PCNX2: variants seen among roughly 807,000 people sequenced by gnomAD.
The protein encoded by PCNX2 is pecanex-like protein 2.
Under a neutral mutation model 223.8 loss-of-function variants are expected in PCNX2, and 168 were observed. The ratio of observed to expected loss-of-function variants is 0.75; its 90% CI spans 0.66 to 0.85. PCNX2 has a LOEUF of 0.85. PCNX2 is among the 40% of genes least tolerant of loss of function. PCNX2 has a pLI of 0.00. For missense variants in PCNX2, 2,507 were observed against 2,675.5 expected, an observed-to-expected ratio of 0.94 and a Z score of 1.39; for synonymous variants, 1,006 against 1,052.6, an observed-to-expected ratio of 0.96 and a Z score of 0.86.
At chr1:233,276,857 C>G (rs1660942916) in intron 1 of PCNX2, among the ~76,000 whole-genome samples, 1 of 152,226 alleles carries the variant, frequency 6.6e-6, no homozygotes, top group Non-Finnish European at 1.5e-5. Flanking sequence ...TGGGGTAGAA[C>G]TGTGACTGCA....
intron 25 of PCNX2, among the ~76,000 whole-genome samples, chr1:233,030,380 A>C (rs926630347): frequency 6.6e-6 from 1 of 152,154 alleles, no homozygotes; most frequent in African/African-American, 2.4e-5. Context: ...TTTTTCTATT[A>C]ACTATAAAAT....
chr1:233,165,950 C>G (rs1431579435), intron 17 of PCNX2, among the ~76,000 whole-genome samples: 1 of 151,984 alleles, frequency 6.6e-6, no homozygotes, highest in African/African-American at 2.4e-5. Context: ...CATACAATAC[C>G]TGGTTTCAAG....
chr1:233,259,063 G>C lies in PCNX2; in HGVS notation c.799C>G (p.Leu267Val), dbSNP rs1421123742. ...PHLSLSQYDL[L>V]ETDVSFQPWG... is the part of the protein sequence containing the mutation. The stretch of plus-strand genomic sequence containing the variant: ...GGCTGGAAAGAAACGTCTGTTTCTA[G>C]TAAGTCATACTGAGACAAAGACAGG... The change falls in exon 5 of 34, where the codon CTA (leucine) becomes GTA (valine). Residue 267 changes from leucine (L) to valine (V), a missense_variant. Physicochemically the swap from Leu to Val is conservative, Grantham distance 32. Coordinates refer to ENST00000258229, the MANE Select transcript of PCNX2 (RefSeq NM_014801.4). The C allele has an allele frequency of 1.9e-6, 3 of 1,613,992 alleles. No individual in the cohort carries two copies. In the Admixed American group the frequency reaches 5.0e-5, roughly 27 times the overall value.
At chr1:233,093,532 G>C (rs1346306557) in intron 22 of PCNX2, among the ~76,000 whole-genome samples, 1 of 152,136 alleles carries the variant, frequency 6.6e-6, no homozygotes, top group Non-Finnish European at 1.5e-5. Flanking sequence ...TAATAGCTTT[G>C]TCTGGGTGGC....
intron 2 of PCNX2, 105 bp downstream of exon 2, chr1:233,262,853 T>C: frequency 9.9e-7 from 1 of 1,012,316 alleles, no homozygotes; most frequent in Non-Finnish European, 1.5e-6. Flanking sequence ...TGCATATATT[T>C]CTGTCTGCCT....
intron 23 of PCNX2, among the ~76,000 whole-genome samples, chr1:233,072,058 C>T (rs1672882022): frequency 6.6e-6 from 1 of 152,138 alleles, no homozygotes; most frequent in Non-Finnish European, 1.5e-5. Context: ...TTGTCAGATG[C>T]ATAGTTTGTA....
intron 1 of PCNX2, chr1:233,291,811 G>A: frequency 1.0e-6 from 1 of 983,448 alleles, no homozygotes; most frequent in Non-Finnish European, 1.2e-6. Flanking sequence ...TATCTCTCAA[G>A]ACTAACCATC....
intron 9 of PCNX2, among the ~76,000 whole-genome samples, chr1:233,230,812 A>G (rs968715821): frequency 3.3e-5 from 5 of 152,162 alleles, no homozygotes; most frequent in African/African-American, 1.2e-4. Context: ...TTACATTATT[A>G]TCAGTATATT....
rs1417023326 is a variant in PCNX2, at chr1:232,984,323, CTT to C, written c.6393_6394del (p.Ser2132CysfsTer42). 1.9e-6 allele frequency: 3 copies of C among 1,608,796 alleles called. No individual in the cohort carries two copies. The highest frequency in any genetic ancestry group is 2.5e-6 in the Non-Finnish European group (3 of 1,177,980). Reference sequence around the variant, plus strand: ...CGCCCGTCACTGCTCGTCTGACACACTTTGCTGCGAGGCCGTGTCGTCCAGGC... The same window carrying C: ...CGCCCGTCACTGCTCGTCTGACACACTGCTGCGAGGCCGTGTCGTCCAGGC... On this transcript the variant is annotated frameshift_variant, in exon 34 of 34. Transcript: ENST00000258229. LOFTEE classifies it high-confidence loss of function.
intron 32 of PCNX2, among the ~76,000 whole-genome samples, chr1:232,994,770 A>C (rs1219841807): frequency 2.0e-5 from 3 of 152,114 alleles, no homozygotes; most frequent in Non-Finnish European, 4.4e-5. Context: ...GTGAGTTCTC[A>C]TGAGAGCTGG....
intron 23 of PCNX2, among the ~76,000 whole-genome samples, chr1:233,088,822 G>A (rs570110274): frequency 6.6e-6 from 1 of 152,310 alleles, no homozygotes; most frequent in South Asian, 2.1e-4. Context: ...AGCAGTCAGA[G>A]AATAATCATC....
chr1:233,044,725 A>G (rs1558184608), intron 25 of PCNX2, among the ~76,000 whole-genome samples: 1 of 151,492 alleles, frequency 6.6e-6, no homozygotes, highest in Non-Finnish European at 1.5e-5. Flanking sequence ...CTGGGGTGCA[A>G]TGGCGTGATC....
intron 21 of PCNX2, chr1:233,112,965 T>C: frequency 7.8e-7 from 1 of 1,289,254 alleles, no homozygotes; most frequent in Non-Finnish European, 1.0e-6. Context: ...GTGGGTGCCG[T>C]CCTAGGGAGG....
At chr1:233,101,195 A>G (rs1229446058) in intron 21 of PCNX2, among the ~76,000 whole-genome samples, 2 of 152,216 alleles carry the variant, frequency 1.3e-5, no homozygotes, top group East Asian at 3.8e-4. Context: ...AAACCATCAG[A>G]TGTTTTGAGG....
At chr1:233,167,648 A>C (rs562291928) in intron 17 of PCNX2, 28 of 742,262 alleles carry the variant, frequency 3.8e-5, no homozygotes, top group Admixed American at 1.3e-4. Context: ...TTTACTATCT[A>C]TAGGTACCTC....
intron 19 of PCNX2, among the ~76,000 whole-genome samples, chr1:233,144,020 A>C (rs187060191): frequency 3.9e-5 from 6 of 152,218 alleles, no homozygotes; most frequent in Admixed American, 3.9e-4. Context: ...GTCTCTACAA[A>C]AAGTTTAAAA....
chr1:233,295,526 C>T lies in PCNX2; in HGVS notation c.-48G>A, dbSNP rs1172377649. On this transcript the variant is annotated 5_prime_UTR_variant, in exon 1 of 34. Coordinates refer to ENST00000258229, the MANE Select transcript of PCNX2 (RefSeq NM_014801.4). The surrounding 1 kb of genome is among the most constrained non-coding windows in gnomAD (Gnocchi z 4.1). ...TGAGCGCCCCGCTGCACCCTGCGCG[C>T]CCCGGCCGGATCTCCAGGCTCCCTC... 6.8e-7 allele frequency: 1 copy of T among 1,470,796 alleles called. No individual in the cohort carries two copies. Among genetic ancestry groups the T allele is most frequent in the South Asian group, 1.4e-5 (1 of 72,778 alleles). The allele number at this position is 1,470,796 out of a possible 1,614,324, so 91.1% of individuals were successfully genotyped here. A position where few individuals can be genotyped will look rare whatever the true frequency, so the allele number is the denominator to read the frequency against.
At chr1:233,115,590 G>T (rs1675361422) in intron 21 of PCNX2, among the ~76,000 whole-genome samples, 1 of 152,088 alleles carries the variant, frequency 6.6e-6, no homozygotes, top group Non-Finnish European at 1.5e-5. Flanking sequence ...ATAGATTAAG[G>T]GCATAGCAAA....
chr1:233,231,992 G>A (rs1287779464), intron 9 of PCNX2, among the ~76,000 whole-genome samples: 1 of 152,210 alleles, frequency 6.6e-6, no homozygotes, highest in Non-Finnish European at 1.5e-5. Context: ...CATCAAATAT[G>A]AGAGTACCTA....
Sources: allele counts gnomAD v4.1 joint callset (sites outside exome capture counted in the v4.1 genomes callset), GRCh38; gene constraint gnomAD v4.1.1; non-coding constraint Gnocchi (gnomAD v3.1); transcripts MANE v1.5; gene names NCBI Gene and HGNC (gene_info 2026-07-23, HGNC 2026-07-21).